Variants in MAML3 observed in about 807,000 individuals in gnomAD.
The protein encoded by MAML3 is mastermind-like protein 3.
In MAML3, 27 loss-of-function variants were observed where a neutral mutation model predicts 101.9. That is an observed-to-expected ratio of 0.27 (90% CI 0.20 to 0.37). The LOEUF (loss-of-function observed/expected upper bound fraction) is 0.37. Ranked by LOEUF, MAML3 falls within the 10% of genes least tolerant of loss-of-function variation. The probability of loss-of-function intolerance (pLI) is 1.00; values close to 1 mark genes in which losing one functional copy is unlikely to be tolerated. For synonymous variants in MAML3, 501 were observed against 555.9 expected (o/e 0.90, Z 1.39); for missense variants, 1,316 against 1,444.9 (o/e 0.91, Z 1.45).
At chr4:139,740,214 T>A (rs923065225) in intron 2 of MAML3, 1 of 152,292 alleles carries the variant, frequency 6.6e-6, no homozygotes, top group Non-Finnish European at 1.5e-5. Context: ...TGTCTTAGGC[T>A]TGAAGCCACA....
At chr4:140,149,933 TTC>T (rs1399896078) in intron 1 of MAML3, among the ~76,000 whole-genome samples, 101 of 74,866 alleles carry the variant, frequency 1.3e-3, no homozygotes, top group Non-Finnish European at 2.2e-3. Context: ...TAGAGCATGT[TTC>T]TTTCTTTTTT....
At chr4:139,992,038 C>G (rs186031982) in intron 1 of MAML3, among the ~76,000 whole-genome samples, 1 of 152,284 alleles carries the variant, frequency 6.6e-6, no homozygotes. Flanking sequence ...TACAAAGCAG[C>G]CCCAGATCAA....
chr4:140,040,647 T>C (rs1229244144), intron 1 of MAML3, among the ~76,000 whole-genome samples: 1 of 152,214 alleles, frequency 6.6e-6, no homozygotes, highest in Non-Finnish European at 1.5e-5. Flanking sequence ...CAAAAGGACA[T>C]TATAATTTTG....
chr4:140,064,350 C>T (rs77400576), intron 1 of MAML3, among the ~76,000 whole-genome samples: 1,805 of 152,308 alleles, frequency 0.012, 10 homozygotes, highest in Non-Finnish European at 0.019. Flanking sequence ...TGATATAACA[C>T]TCATGCCAGG....
At chr4:139,819,501 G>T (rs190448348) in intron 2 of MAML3, among the ~76,000 whole-genome samples, 156 of 152,282 alleles carry the variant, frequency 1.0e-3, no homozygotes, top group African/African-American at 2.5e-3. Context: ...TTGGCTTAGG[G>T]AAGAAGACAG....
intron 2 of MAML3, among the ~76,000 whole-genome samples, chr4:139,814,307 G>A (rs909887931): frequency 3.3e-5 from 5 of 152,198 alleles, no homozygotes; most frequent in African/African-American, 7.2e-5. Flanking sequence ...TCAGGATGGC[G>A]ATGATGCTTC....
rs776694897 is a variant in MAML3 at position 139,725,839 on chromosome 4, G to C, written c.2332-4C>G. On this transcript the variant is annotated splice_region_variant and splice_polypyrimidine_tract_variant and intron_variant, in intron 3 of 4. Transcript: ENST00000509479. The stretch of plus-strand genomic sequence containing the variant: ...GTAGATGTGATTGCTGCAACTGCTA[G>C]AACAACAGAACACAAGAGGGGTGGA... The C allele has an allele frequency of 5.0e-6, 8 of 1,613,154 alleles. No individual in the cohort carries two copies. The highest frequency in any genetic ancestry group is 6.8e-6 in the Non-Finnish European group (8 of 1,179,344).
intron 2 of MAML3, among the ~76,000 whole-genome samples, chr4:139,783,098 A>G (rs1456203656): frequency 6.6e-6 from 1 of 152,170 alleles, no homozygotes; most frequent in Admixed American, 6.5e-5. Flanking sequence ...AGGGGAAAAA[A>G]GGACATACAG....
intron 3 of MAML3, 144 bp from the exon 4 acceptor site, chr4:139,725,979 A>C: frequency 1.5e-6 from 1 of 677,590 alleles, no homozygotes; most frequent in Non-Finnish European, 2.6e-6. Context: ...AGGCAAGTGC[A>C]CAAAGTCTAA....
chr4:140,009,264 G>C (rs1445726258), intron 1 of MAML3, among the ~76,000 whole-genome samples: 2 of 152,184 alleles, frequency 1.3e-5, no homozygotes, highest in Non-Finnish European at 2.9e-5. Context: ...TCAAATTTAC[G>C]AACCAACAAG....
At chr4:140,101,183 ATAATCAAATAATGGTTGTT>A (rs764050110) in intron 1 of MAML3, among the ~76,000 whole-genome samples, 61 of 152,332 alleles carry the variant, frequency 4.0e-4, no homozygotes, top group Middle Eastern at 6.8e-3. Context: ...AATCACAGAT[ATAATCAAATAATGGTTGTT>A]TAAGCCGTCA....
At chr4:139,756,773 G>A (rs1729659581) in intron 2 of MAML3, among the ~76,000 whole-genome samples, 1 of 152,136 alleles carries the variant, frequency 6.6e-6, no homozygotes, top group Non-Finnish European at 1.5e-5. Context: ...TTGAATGGCA[G>A]CACACAATAT....
At chr4:140,062,205 A>AAACC in intron 1 of MAML3, among the ~76,000 whole-genome samples, 1 of 152,306 alleles carries the variant, frequency 6.6e-6, no homozygotes, top group South Asian at 2.1e-4. Flanking sequence ...TTTGAGTAAC[A>AAACC]TACCTTCAGA....
At chr4:139,817,344 T>C (rs1293849994) in intron 2 of MAML3, among the ~76,000 whole-genome samples, 1 of 152,202 alleles carries the variant, frequency 6.6e-6, no homozygotes. Flanking sequence ...TTTTTTTCCG[T>C]GGCTTTCATC....
intron 2 of MAML3, among the ~76,000 whole-genome samples, chr4:139,825,930 T>C (rs1042310455): frequency 1.1e-4 from 16 of 152,234 alleles, no homozygotes; most frequent in African/African-American, 3.1e-4. Context: ...CATTATAGTT[T>C]CTCAGTGGAA....
At chr4:139,922,544 G>A (rs1733148371) in intron 1 of MAML3, among the ~76,000 whole-genome samples, 1 of 152,128 alleles carries the variant, frequency 6.6e-6, no homozygotes, top group Non-Finnish European at 1.5e-5. Context: ...TTAGACATAC[G>A]ATTTACATTT....
At chr4:140,117,489 C>T (rs1728534956) in intron 1 of MAML3, among the ~76,000 whole-genome samples, 1 of 151,980 alleles carries the variant, frequency 6.6e-6, no homozygotes, top group South Asian at 2.1e-4. Context: ...TATACAAATG[C>T]TTAATCAGAG....
chr4:140,063,428 G>T (rs1365511139), intron 1 of MAML3, among the ~76,000 whole-genome samples: 1 of 152,166 alleles, frequency 6.6e-6, no homozygotes, highest in Non-Finnish European at 1.5e-5. Flanking sequence ...ATTCTGTCTG[G>T]AAAGCCAAAG....
chr4:139,919,760 T>C (rs769652), intron 1 of MAML3, among the ~76,000 whole-genome samples: 5,102 of 152,308 alleles, frequency 0.033, 267 homozygotes, highest in African/African-American at 0.11. Context: ...TCTTCATTTT[T>C]GTTTGTTCAT....
Sources: allele counts gnomAD v4.1 joint callset (sites outside exome capture counted in the v4.1 genomes callset), GRCh38; gene constraint gnomAD v4.1.1; transcripts MANE v1.5; gene names NCBI Gene and HGNC (gene_info 2026-07-23, HGNC 2026-07-21).